PPM1E: variants seen among roughly 807,000 people sequenced by gnomAD.
PPM1E encodes protein phosphatase 1E.
PPM1E carries 20 observed loss-of-function variants against 65.9 expected under a neutral mutation model. The ratio of observed to expected loss-of-function variants is 0.30; its 90% CI spans 0.21 to 0.44. The LOEUF (loss-of-function observed/expected upper bound fraction) is 0.44. Among genes scored for constraint, PPM1E ranks in the 20% least tolerant of loss-of-function variants. PPM1E has a pLI of 1.00. For missense variants in PPM1E, 713 were observed against 953.1 expected (o/e 0.75, Z 3.32); for synonymous variants, 352 against 374.9 (o/e 0.94, Z 0.70).
intron 1 of PPM1E, among the ~76,000 whole-genome samples, chr17:58,855,013 T>TGTATTC (rs771223410): frequency 6.1e-4 from 93 of 152,268 alleles, no homozygotes; most frequent in Non-Finnish European, 1.2e-3. Context: ...TTGTAATTGA[T>TGTATTC]GTATTCCTGG....
At chr17:58,894,167 G>A (rs1283997418) in intron 1 of PPM1E, among the ~76,000 whole-genome samples, 1 of 151,974 alleles carries the variant, frequency 6.6e-6, no homozygotes, top group African/African-American at 2.4e-5. Context: ...TGTCGCTCAG[G>A]CTGGAGTACA....
At chr17:58,886,184 A>T (rs1363928630) in intron 1 of PPM1E, among the ~76,000 whole-genome samples, 2 of 152,192 alleles carry the variant, frequency 1.3e-5, no homozygotes, top group East Asian at 3.8e-4. Flanking sequence ...TAAACCTTTT[A>T]AATTATGTTG....
intron 1 of PPM1E, among the ~76,000 whole-genome samples, chr17:58,921,277 G>A (rs1386161767): frequency 1.3e-5 from 2 of 152,194 alleles, no homozygotes; most frequent in African/African-American, 4.8e-5. Context: ...TGTTGGTCAA[G>A]AAACCTGTAT....
At chr17:58,778,214 C>T (rs1246931886) in intron 1 of PPM1E, among the ~76,000 whole-genome samples, 1 of 152,018 alleles carries the variant, frequency 6.6e-6, no homozygotes, top group Non-Finnish European at 1.5e-5. Flanking sequence ...ATTATCCTGC[C>T]TCAGCCTCCT....
intron 1 of PPM1E, among the ~76,000 whole-genome samples, chr17:58,941,850 C>T (rs1415411505): frequency 2.0e-5 from 3 of 149,732 alleles, no homozygotes; most frequent in South Asian, 2.1e-4. Context: ...ACTAAAAATA[C>T]AAAAATTAGC....
At chr17:58,883,346 T>A (rs945985696) in intron 1 of PPM1E, among the ~76,000 whole-genome samples, 11 of 152,136 alleles carry the variant, frequency 7.2e-5, no homozygotes, top group African/African-American at 2.7e-4. Flanking sequence ...CTCTTGGAAA[T>A]AATTTTTTTC....
At chr17:58,852,906 A>G (rs191298145) in intron 1 of PPM1E, among the ~76,000 whole-genome samples, 3 of 152,168 alleles carry the variant, frequency 2.0e-5, no homozygotes, top group East Asian at 1.9e-4. Flanking sequence ...CTGGTCTACC[A>G]TTTGTATATC....
rs1598719038 is a variant in PPM1E at position 58,980,371 on chromosome 17, A to G, written c.1608A>G (p.Ala536=). The change falls in exon 7 of 7, where the codon GCA becomes GCG. Residue 536 remains alanine, a synonymous_variant. Transcript: ENST00000308249. The surrounding 1 kb of genome is among the most constrained non-coding windows in gnomAD (Gnocchi z 4.7). The part of the protein sequence containing the change: ...KRPWPQHQCS[A]PADLGYDGRV... ...CTTGGCCTCAGCACCAGTGCTCAGC[A>G]CCAGCCGACCTAGGCTATGATGGGC... 3.7e-6 allele frequency: 6 copies of G among 1,614,160 alleles called. No homozygotes were observed. The highest frequency in any genetic ancestry group is 4.2e-6 in the Non-Finnish European group (5 of 1,180,018).
At chr17:58,904,856 C>CAA (rs71367643) in intron 1 of PPM1E, among the ~76,000 whole-genome samples, 4,141 of 104,022 alleles carry the variant, frequency 0.04, 91 homozygotes, top group Middle Eastern at 0.091. Flanking sequence ...ACTAAAAATA[C>CAA]AAAAAAAAAA....
At chr17:58,804,176 C>T (rs1169710750) in intron 1 of PPM1E, among the ~76,000 whole-genome samples, 1 of 152,178 alleles carries the variant, frequency 6.6e-6, no homozygotes, top group Non-Finnish European at 1.5e-5. Context: ...AGTCCTCCTG[C>T]CTGAGCTTCC....
Position 58,756,262 on chromosome 17 carries a change from G to A in PPM1E, c.265G>A (p.Glu89Lys). Residue 89 changes from glutamate (E) to lysine (K), a missense_variant, in exon 1 of 7, where the codon GAG becomes AAG. Physicochemically the swap from Glu to Lys is moderately conservative, Grantham distance 56. Transcript: ENST00000308249. ...GDQEQDPEPE[E>K]EAAVEGEEEE... ...CCAGGAGCAAGACCCGGAGCCCGAG[G>A]AGGAGGCGGCGGTTGAGGGTGAGGA... 3.9e-6 allele frequency: 6 copies of A among 1,549,892 alleles called. No homozygotes were observed. Among genetic ancestry groups the A allele is most frequent in the South Asian group, 1.2e-5 (1 of 84,018 alleles).
chr17:58,810,714 C>A (rs1352903023), intron 1 of PPM1E, among the ~76,000 whole-genome samples: 1 of 152,128 alleles, frequency 6.6e-6, no homozygotes, highest in East Asian at 1.9e-4. Context: ...CTGTGTAATT[C>A]TTTCATTTCT....
chr17:58,786,795 C>T (rs766181332), intron 1 of PPM1E, among the ~76,000 whole-genome samples: 12 of 152,140 alleles, frequency 7.9e-5, no homozygotes, highest in Non-Finnish European at 1.2e-4. Flanking sequence ...TGTTCATCTG[C>T]AGTTTATACA....
chr17:58,880,062 T>C (rs2051177305), intron 1 of PPM1E, among the ~76,000 whole-genome samples: 1 of 152,336 alleles, frequency 6.6e-6, no homozygotes, highest in Non-Finnish European at 1.5e-5. Context: ...ACTGGTATAC[T>C]GAATTGGACA....
At chr17:58,938,748 G>C (rs1307914186) in intron 1 of PPM1E, among the ~76,000 whole-genome samples, 2 of 150,400 alleles carry the variant, frequency 1.3e-5, no homozygotes, top group African/African-American at 4.9e-5. Flanking sequence ...AAATGAACAT[G>C]CTCAGTACTC....
Position 58,982,897 on chromosome 17 carries a change from C to T in PPM1E, c.*1866C>T. On this transcript the variant is annotated 3_prime_UTR_variant, in exon 7 of 7. Coordinates refer to ENST00000308249, the MANE Select transcript of PPM1E (RefSeq NM_014906.5). ...CTAGATCTTGTTAACCCATCAGGTG[C>T]AGTGTCAGTTTCAAATCAAATTATC... 6.4e-7 allele frequency: 1 copy of T among 1,572,152 alleles called. No individual in the cohort carries two copies. Among genetic ancestry groups the T allele is most frequent in the East Asian group, 2.3e-5 (1 of 43,264 alleles).
intron 1 of PPM1E, among the ~76,000 whole-genome samples, chr17:58,908,827 C>T (rs1467930385): frequency 6.6e-6 from 1 of 152,126 alleles, no homozygotes; most frequent in Non-Finnish European, 1.5e-5. Flanking sequence ...AACACTACAC[C>T]ATTTCACTGA....
At chr17:58,933,452 T>A (rs2051929522) in intron 1 of PPM1E, among the ~76,000 whole-genome samples, 1 of 152,200 alleles carries the variant, frequency 6.6e-6, no homozygotes, top group African/African-American at 2.4e-5. Flanking sequence ...ATAAATCTGA[T>A]ATTTAATATT....
chr17:58,812,178 C>A (rs763114920), intron 1 of PPM1E, among the ~76,000 whole-genome samples: 19 of 150,760 alleles, frequency 1.3e-4, no homozygotes, highest in Non-Finnish European at 2.8e-4. Context: ...GTGGCAGGCG[C>A]CTGTAGTCCC....
Sources: gnomAD v4.1 joint callset for allele counts (sites outside exome capture counted in the v4.1 genomes callset) on GRCh38, gnomAD v4.1.1 for gene constraint, Gnocchi (gnomAD v3.1) non-coding constraint, MANE v1.5 for transcripts, NCBI Gene and HGNC (gene_info 2026-07-23, HGNC 2026-07-21) for gene names.